TRAPPC9: variants seen among roughly 807,000 people sequenced by gnomAD.
TRAPPC9 encodes IKK2 binding protein.
TRAPPC9 carries 83 observed loss-of-function variants against 124.0 expected under a neutral mutation model. That is an observed-to-expected ratio of 0.67 (90% confidence interval 0.56 to 0.80). TRAPPC9 has a LOEUF of 0.80. Among genes scored for constraint, TRAPPC9 ranks in the 30% least tolerant of loss-of-function variants. TRAPPC9 has a pLI of 0.00. For synonymous variants in TRAPPC9, 638 were observed against 617.5 expected, an observed-to-expected ratio of 1.03 and a Z score of -0.49; for missense variants, 1,302 against 1,508.3, an observed-to-expected ratio of 0.86 and a Z score of 2.27.
At position 139,731,226 on chromosome 8, in the gene TRAPPC9, C is replaced by T. The variant is rs1264716627; in HGVS notation, c.3282G>A (p.Val1094=). The T allele has an allele frequency of 9.9e-6, 16 of 1,613,208 alleles. No homozygotes were observed. The highest frequency in any genetic ancestry group is 1.4e-5 in the Non-Finnish European group (16 of 1,179,866). Reference sequence around the variant, plus strand: ...GGCAGGCCGACTGGCCGGACGGCTGCACCTGAGCAGGGAGGAGAAAGACAC... The same window carrying T: ...GGCAGGCCGACTGGCCGGACGGCTGTACCTGAGCAGGGAGGAGAAAGACAC... ...VGSSTFYLDA[V]QPSGQSACLG... The change falls in exon 23 of 23, where the codon GTG becomes GTA. Residue 1094 remains valine, a splice_region_variant and synonymous_variant. Coordinates refer to ENST00000438773, the MANE Select transcript of TRAPPC9 (RefSeq NM_001160372.4).
intron 18 of TRAPPC9, among the ~76,000 whole-genome samples, chr8:139,993,514 A>C (rs1274996974): frequency 6.6e-6 from 1 of 152,234 alleles, no homozygotes; most frequent in Non-Finnish European, 1.5e-5. Context: ...AAAGAGTTTG[A>C]CCGAACAATT....
At chr8:140,166,484 C>T (rs7828166) in intron 17 of TRAPPC9, among the ~76,000 whole-genome samples, 125,011 of 152,248 alleles carry the variant, frequency 0.82, 51,498 homozygotes, top group East Asian at 1. Context: ...GGAGTCAGGA[C>T]TGTGAACACA....
chr8:140,143,500 G>A (rs2061411791), intron 17 of TRAPPC9, among the ~76,000 whole-genome samples: 1 of 152,196 alleles, frequency 6.6e-6, no homozygotes, highest in Non-Finnish European at 1.5e-5. Flanking sequence ...TAACTTGCAT[G>A]TAAATTTTGC....
At chr8:140,042,702 A>G (rs1391273949) in intron 17 of TRAPPC9, among the ~76,000 whole-genome samples, 1 of 152,228 alleles carries the variant, frequency 6.6e-6, no homozygotes, top group Non-Finnish European at 1.5e-5. Context: ...CAAAGGTGGC[A>G]GAGCCCCCAC....
intron 9 of TRAPPC9, among the ~76,000 whole-genome samples, chr8:140,323,229 T>A (rs1353647523): frequency 6.6e-6 from 1 of 152,222 alleles, no homozygotes; most frequent in Non-Finnish European, 1.5e-5. Context: ...TGGAGAGGCA[T>A]GACAGCTCTG....
chr8:139,859,989 C>T (rs755377057), intron 21 of TRAPPC9, among the ~76,000 whole-genome samples: 13 of 152,224 alleles, frequency 8.5e-5, no homozygotes, highest in Admixed American at 2.0e-4. Context: ...CAACTTTATA[C>T]GCTTTGGGGA....
rs1284086884 is a variant in TRAPPC9 at position 140,169,324 on chromosome 8, C to T, written c.2556+52135G>A. Among the ~76,000 whole-genome samples the T allele has an allele frequency of 2.0e-5, 3 of 152,248 alleles. No individual in the cohort carries two copies. In the East Asian group the frequency reaches 5.8e-4, roughly 29 times the overall value. ...AAGGGTGTGGAGAATTCAGAACCCT[C>T]GCGCATGACTGGCGGAAATGGAAAA... On this transcript the variant is annotated intron_variant, in intron 17 of 22. Transcript: ENST00000438773.
At chr8:140,064,272 T>C (rs1842788801) in intron 17 of TRAPPC9, among the ~76,000 whole-genome samples, 1 of 152,228 alleles carries the variant, frequency 6.6e-6, no homozygotes, top group Non-Finnish European at 1.5e-5. Context: ...AGCTTTCTTT[T>C]ACCTTTTCTG....
intron 17 of TRAPPC9, among the ~76,000 whole-genome samples, chr8:140,149,868 G>A (rs1323066298): frequency 5.3e-5 from 8 of 152,082 alleles, no homozygotes; most frequent in Non-Finnish European, 1.0e-4. Flanking sequence ...GTGGCTCTCT[G>A]TATATCATGC....
At chr8:140,291,818 C>T (rs1469511629) in intron 11 of TRAPPC9, among the ~76,000 whole-genome samples, 1 of 152,224 alleles carries the variant, frequency 6.6e-6, no homozygotes, top group African/African-American at 2.4e-5. Flanking sequence ...GACCACATGG[C>T]AAGGGCCTAA....
chr8:139,765,051 C>G (rs1206332792), intron 21 of TRAPPC9, among the ~76,000 whole-genome samples: 1 of 152,292 alleles, frequency 6.6e-6, no homozygotes, highest in East Asian at 1.9e-4. Context: ...CACCTTCTTG[C>G]CAGTCTCTCC....
At chr8:140,263,802 T>C (rs1406767796) in intron 15 of TRAPPC9, among the ~76,000 whole-genome samples, 1 of 152,156 alleles carries the variant, frequency 6.6e-6, no homozygotes, top group African/African-American at 2.4e-5. Context: ...CATAAGTAAC[T>C]TGAAAATTGA....
chr8:140,330,153 G>C (rs2066859353), intron 9 of TRAPPC9, among the ~76,000 whole-genome samples: 1 of 151,952 alleles, frequency 6.6e-6, no homozygotes, highest in Non-Finnish European at 1.5e-5. Context: ...TTGCCACCGA[G>C]ATTGCCCCAA....
intron 2 of TRAPPC9, among the ~76,000 whole-genome samples, chr8:140,447,990 C>T (rs1055586981): frequency 4.0e-5 from 6 of 151,808 alleles, no homozygotes; most frequent in Non-Finnish European, 7.4e-5. Flanking sequence ...ACTAAAAATA[C>T]AAAAATTAGC....
intron 20 of TRAPPC9, among the ~76,000 whole-genome samples, chr8:139,899,964 T>A (rs1047635360): frequency 2.0e-5 from 3 of 152,124 alleles, no homozygotes; most frequent in Admixed American, 2.0e-4. Context: ...ACCAAATGTG[T>A]TCTAGATGTA....
intron 19 of TRAPPC9, among the ~76,000 whole-genome samples, chr8:139,948,113 A>G (rs1271919329): frequency 6.6e-6 from 1 of 151,596 alleles, no homozygotes; most frequent in Non-Finnish European, 1.5e-5. Context: ...CTTGCATCAC[A>G]GGGTCCTTGA....
chr8:139,851,651 C>T (rs1163536164), intron 21 of TRAPPC9, among the ~76,000 whole-genome samples: 1 of 152,188 alleles, frequency 6.6e-6, no homozygotes, highest in African/African-American at 2.4e-5. Flanking sequence ...GAAAACCGAA[C>T]CCAACGTTCA....
At chr8:140,197,974 G>A (rs1389980983) in intron 17 of TRAPPC9, among the ~76,000 whole-genome samples, 1 of 152,154 alleles carries the variant, frequency 6.6e-6, no homozygotes, top group Non-Finnish European at 1.5e-5. Context: ...AGGAAGCTTG[G>A]TGCACTGGCC....
At chr8:140,373,117 C>T (rs1191724866) in intron 7 of TRAPPC9, among the ~76,000 whole-genome samples, 1 of 152,220 alleles carries the variant, frequency 6.6e-6, no homozygotes, top group Non-Finnish European at 1.5e-5. Context: ...ACTCTGGTGC[C>T]AGCCACTCTT....
Sources: gnomAD v4.1 joint callset for allele counts (sites outside exome capture counted in the v4.1 genomes callset) on GRCh38, gnomAD v4.1.1 for gene constraint, MANE v1.5 for transcripts, NCBI Gene and HGNC (gene_info 2026-07-23, HGNC 2026-07-21) for gene names.